Variants in ATRNL1 observed in about 807,000 individuals in gnomAD.
The protein encoded by ATRNL1 is attractin-like protein 1.
ATRNL1 carries 95 observed loss-of-function variants against 182.7 expected under a neutral mutation model. The ratio of observed to expected loss-of-function variants is 0.52; its 90% CI spans 0.44 to 0.62. ATRNL1 has a LOEUF of 0.62. ATRNL1 is among the 20% of genes least tolerant of loss of function. The probability of loss-of-function intolerance (pLI) is 0.00; values close to 1 mark genes in which losing one functional copy is unlikely to be tolerated. For missense variants in ATRNL1, 1,471 were observed against 1,679.5 expected, an observed-to-expected ratio of 0.88 and a Z score of 2.17; for synonymous variants, 576 against 568.3, an observed-to-expected ratio of 1.01 and a Z score of -0.19.
At chr10:115,631,043 TA>T (rs1278046333) in intron 26 of ATRNL1, among the ~76,000 whole-genome samples, 1 of 151,492 alleles carries the variant, frequency 6.6e-6, no homozygotes, top group Non-Finnish European at 1.5e-5. Context: ...AAAGTAGGAC[TA>T]TGCTTACCAG....
At chr10:115,095,189 G>C (rs2084980409) in intron 1 of ATRNL1, among the ~76,000 whole-genome samples, 1 of 152,042 alleles carries the variant, frequency 6.6e-6, no homozygotes. Flanking sequence ...TTAATATGAA[G>C]TTTGCTGGCT....
intron 26 of ATRNL1, among the ~76,000 whole-genome samples, chr10:115,685,260 TGTCA>T (rs1361661865): frequency 1.2e-4 from 18 of 151,910 alleles, no homozygotes; most frequent in Admixed American, 2.6e-4. Context: ...AGAACTCCTC[TGTCA>T]ATTATTCATC....
intron 19 of ATRNL1, among the ~76,000 whole-genome samples, chr10:115,379,310 C>T (rs1371443768): frequency 1.3e-5 from 2 of 152,164 alleles, no homozygotes; most frequent in Non-Finnish European, 2.9e-5. Flanking sequence ...TCAGCACTGT[C>T]ATGAAGTATA....
rs140485811 is a variant in ATRNL1 at position 115,176,859 on chromosome 10, A to G, written c.1348+5567A>G. ...AGTTTTAGAGCAGGAATTCTGCAGT[A>G]TACCTCCTTATGTGTACACTTTCTA... On this transcript the variant is annotated intron_variant, in intron 8 of 28. Transcript: ENST00000355044. Among the ~76,000 whole-genome samples, 466 of 152,236 alleles carry G rather than the reference A, an allele frequency of 3.1e-3. 5 individuals are homozygous for G. The East Asian group carries it at 0.038, about 12-fold the overall frequency.
intron 19 of ATRNL1, among the ~76,000 whole-genome samples, chr10:115,372,886 T>C (rs555101983): frequency 3.3e-4 from 50 of 152,292 alleles, no homozygotes; most frequent in African/African-American, 1.1e-3. Flanking sequence ...TTTAGGGTTG[T>C]GTTTTCTGTT....
chr10:115,125,836 A>G (rs1310972841), intron 3 of ATRNL1, among the ~76,000 whole-genome samples: 8 of 152,132 alleles, frequency 5.3e-5, no homozygotes, highest in Non-Finnish European at 1.0e-4. Context: ...TAGCCCTTCA[A>G]ATCTTACCTC....
chr10:115,113,043 C>G (rs77734037), intron 1 of ATRNL1, among the ~76,000 whole-genome samples: 1,805 of 152,240 alleles, frequency 0.012, 33 homozygotes, highest in African/African-American at 0.04. Flanking sequence ...TTTACCACTA[C>G]AATTCTGAAG....
chr10:115,111,893 T>TA (rs1844272383), intron 1 of ATRNL1, among the ~76,000 whole-genome samples: 1 of 152,204 alleles, frequency 6.6e-6, no homozygotes, highest in Admixed American at 6.5e-5. Flanking sequence ...CACTCATTTA[T>TA]GGGCCAAGTT....
chr10:115,915,432 GAAGCCA>G (rs1952820680), intron 28 of ATRNL1, among the ~76,000 whole-genome samples: 1 of 151,940 alleles, frequency 6.6e-6, no homozygotes, highest in Admixed American at 6.6e-5. Context: ...CAGTTACAAT[GAAGCCA>G]AGTGCTAAGG....
At chr10:115,183,669 C>G (rs1234737007) in intron 8 of ATRNL1, among the ~76,000 whole-genome samples, 3 of 151,310 alleles carry the variant, frequency 2.0e-5, no homozygotes, top group African/African-American at 7.3e-5. Flanking sequence ...AAGCACTTTC[C>G]TTAGAAAAAG....
At chr10:115,454,343 G>A (rs1554968270) in intron 21 of ATRNL1, among the ~76,000 whole-genome samples, 2 of 152,048 alleles carry the variant, frequency 1.3e-5, no homozygotes, top group East Asian at 3.9e-4. Context: ...GATACCTCCA[G>A]CCTTTTTTCT....
chr10:115,684,849 C>T (rs1296707261), intron 26 of ATRNL1, among the ~76,000 whole-genome samples: 3 of 151,636 alleles, frequency 2.0e-5, no homozygotes, highest in Non-Finnish European at 3.0e-5. Context: ...AAATGGCTAG[C>T]ATGTTATGAT....
chr10:115,689,388 A>G (rs1202383671), intron 26 of ATRNL1, among the ~76,000 whole-genome samples: 1 of 152,176 alleles, frequency 6.6e-6, no homozygotes, highest in Non-Finnish European at 1.5e-5. Context: ...ATTTATTGCT[A>G]AAAACTTGCC....
chr10:115,392,882 T>G (rs1564993721), intron 19 of ATRNL1, among the ~76,000 whole-genome samples: 1 of 152,190 alleles, frequency 6.6e-6, no homozygotes, highest in Non-Finnish European at 1.5e-5. Context: ...GAAACATACT[T>G]TCTTTTTCTT....
intron 10 of ATRNL1, among the ~76,000 whole-genome samples, chr10:115,255,611 T>C (rs1406479908): frequency 6.6e-6 from 1 of 152,192 alleles, no homozygotes; most frequent in Non-Finnish European, 1.5e-5. Context: ...CCTCATTTCC[T>C]AATTGAATAC....
At chr10:115,301,745 A>G in intron 16 of ATRNL1, 110 bp from the exon 17 acceptor site, 1 of 827,698 alleles carries the variant, frequency 1.2e-6, no homozygotes, top group Non-Finnish European at 1.7e-6. Context: ...TTATAATGCC[A>G]CAGTTGGCTT....
At chr10:115,352,999 C>T (rs1012249752) in intron 19 of ATRNL1, among the ~76,000 whole-genome samples, 2 of 152,156 alleles carry the variant, frequency 1.3e-5, no homozygotes, top group South Asian at 2.1e-4. Context: ...GGTCTGTCCT[C>T]AAGAATATTC....
At chr10:115,252,235 G>T (rs1475221344) in intron 10 of ATRNL1, among the ~76,000 whole-genome samples, 1 of 152,004 alleles carries the variant, frequency 6.6e-6, no homozygotes, top group Non-Finnish European at 1.5e-5. Flanking sequence ...CACTATGTTG[G>T]CCAGGCTGGT....
intron 28 of ATRNL1, among the ~76,000 whole-genome samples, chr10:115,851,754 A>G (rs1049537996): frequency 2.5e-4 from 38 of 152,276 alleles, no homozygotes; most frequent in Non-Finnish European, 5.3e-4. Flanking sequence ...GTGAGCAGCC[A>G]CTGCAATCCG....
Sources: gnomAD v4.1 joint callset for allele counts (sites outside exome capture counted in the v4.1 genomes callset) on GRCh38, gnomAD v4.1.1 for gene constraint, MANE v1.5 for transcripts, NCBI Gene and HGNC (gene_info 2026-07-23, HGNC 2026-07-21) for gene names.